ZNF469: variants seen among roughly 807,000 people sequenced by gnomAD.
The protein encoded by ZNF469 is zinc finger protein 469.
A neutral mutation model predicts 1.0 loss-of-function variants in ZNF469; 1 was observed. The ratio of observed to expected loss-of-function variants is 1.00; its 90% CI spans 0.35 to 4.73. The LOEUF is 4.73. Ranked by LOEUF, ZNF469 falls within the 30% of genes most tolerant of loss-of-function variation. The pLI is 0.16. For missense variants in ZNF469, 6,100 were observed against 5,356.3 expected (o/e 1.14, Z -4.33); for synonymous variants, 2,703 against 2,363.4 (o/e 1.14, Z -4.17).
At chr16:88,209,726 A>G in the ZNF469 span, among the ~76,000 whole-genome samples, 2 of 152,216 alleles carry the variant, frequency 1.3e-5, no homozygotes, top group African/African-American at 4.8e-5. Flanking sequence ...ATATGAGTTC[A>G]TAGAGGACTT....
At chr16:88,314,546 G>A in the ZNF469 span, among the ~76,000 whole-genome samples, 38 of 149,616 alleles carry the variant, frequency 2.5e-4, no homozygotes, top group Admixed American at 1.3e-3. Context: ...TTATGATGAT[G>A]CTGGTGTGGA....
chr16:88,299,284 G>A, the ZNF469 span, among the ~76,000 whole-genome samples: 15 of 150,008 alleles, frequency 1.0e-4, no homozygotes, highest in Non-Finnish European at 2.1e-4. Context: ...TGCAGCAGGC[G>A]AGGGCTTCCT....
chr16:88,271,103 G>T, the ZNF469 span, among the ~76,000 whole-genome samples: 1 of 152,030 alleles, frequency 6.6e-6, no homozygotes, highest in East Asian at 1.9e-4. Context: ...CTATAAGAGG[G>T]GGATGGTAAC....
chr16:88,414,058 C>T (rs1182695091), intron 1 of ZNF469, among the ~76,000 whole-genome samples: 1 of 152,202 alleles, frequency 6.6e-6, no homozygotes, highest in African/African-American at 2.4e-5. Context: ...CCTACACCCT[C>T]GGGTCTGGGA....
At chr16:88,305,674 A>C in the ZNF469 span, among the ~76,000 whole-genome samples, 2 of 152,138 alleles carry the variant, frequency 1.3e-5, no homozygotes, top group Non-Finnish European at 2.9e-5. Flanking sequence ...ACATACACAC[A>C]CATGCTCACA....
chr16:88,238,598 G>T, the ZNF469 span, among the ~76,000 whole-genome samples: 3 of 152,148 alleles, frequency 2.0e-5, no homozygotes, highest in South Asian at 2.1e-4. Flanking sequence ...TGGAGACTGG[G>T]GTTTGCCAAT....
the ZNF469 span, among the ~76,000 whole-genome samples, chr16:88,125,109 G>A: frequency 9.9e-5 from 15 of 152,046 alleles, no homozygotes; most frequent in African/African-American, 2.9e-4. Flanking sequence ...TTGCAGTTGT[G>A]CCAGCACCAT....
chr16:88,431,941 A>G lies in ZNF469; in HGVS notation c.4471A>G (p.Thr1491Ala). The change falls in exon 3 of 3, where the codon ACG (threonine) becomes GCG (alanine). Residue 1491 changes from threonine (T) to alanine (A), a missense_variant. Thr to Ala is a moderately conservative substitution (Grantham distance 58). Coordinates refer to ENST00000565624, the MANE Select transcript of ZNF469 (RefSeq NM_001367624.2). The part of the protein sequence containing the change: ...PFACADPPQK[T>A]VPSDPPYPSF... Reference sequence around the variant, plus strand: ...CGCATGTGCCGACCCTCCCCAGAAGACGGTGCCGTCAGATCCACCGTACCC... The same window carrying G: ...CGCATGTGCCGACCCTCCCCAGAAGGCGGTGCCGTCAGATCCACCGTACCC... 1 of 1,549,004 alleles carries G rather than the reference A, an allele frequency of 6.5e-7. No homozygotes were observed. The highest frequency in any genetic ancestry group is 1.2e-5 in the South Asian group (1 of 84,034).
intron 1 of ZNF469, among the ~76,000 whole-genome samples, chr16:88,402,954 C>T (rs1338011839): frequency 6.6e-6 from 1 of 152,220 alleles, no homozygotes; most frequent in Non-Finnish European, 1.5e-5. Context: ...AACACCCCAT[C>T]AAAAGGCCAG....
intron 1 of ZNF469, among the ~76,000 whole-genome samples, chr16:88,393,430 C>T (rs1440639274): frequency 3.3e-5 from 5 of 152,236 alleles, no homozygotes; most frequent in Admixed American, 2.0e-4. Flanking sequence ...GTGTTTATGC[C>T]GGACCGGTGC....
the ZNF469 span, among the ~76,000 whole-genome samples, chr16:88,222,840 C>G: frequency 7.9e-5 from 12 of 152,188 alleles, no homozygotes; most frequent in African/African-American, 2.9e-4. Context: ...CTCAAACGAT[C>G]CTTCCACCTT....
the ZNF469 span, among the ~76,000 whole-genome samples, chr16:88,206,155 C>T: frequency 3.3e-5 from 5 of 152,182 alleles, no homozygotes; most frequent in African/African-American, 1.2e-4. Flanking sequence ...CTGAGCTGTG[C>T]CCGGAGACGG....
chr16:88,116,355 G>A, the ZNF469 span, among the ~76,000 whole-genome samples: 1 of 152,106 alleles, frequency 6.6e-6, no homozygotes, highest in African/African-American at 2.4e-5. Context: ...CAGAACCAGC[G>A]ATGCCGCAAT....
chr16:88,337,365 G>C, the ZNF469 span, among the ~76,000 whole-genome samples: 1 of 152,178 alleles, frequency 6.6e-6, no homozygotes, highest in South Asian at 2.1e-4. Context: ...TGCCATGTAA[G>C]ATGTCCCTTG....
rs993537983 is a variant in ZNF469 at position 88,436,953 on chromosome 16, G to A, written c.9483G>A (p.Gly3161=). 19 of 1,495,168 alleles carry A rather than the reference G, an allele frequency of 1.3e-5. No individual in the cohort carries two copies. The highest frequency in any genetic ancestry group is 5.6e-5 in the African/African-American group (4 of 71,906). 92.6% of individuals were successfully genotyped at this position (1,495,168 alleles called of 1,614,324 possible). A position where few individuals can be genotyped will look rare whatever the true frequency, so the allele number is the denominator to read the frequency against. ...TTGGCTCGCGGGAGCTGCTGCGGGGGCACCTGCAGGAGAGGCACGCGCAGA... is the reference window on the plus strand; with the variant it reads ...TTGGCTCGCGGGAGCTGCTGCGGGGACACCTGCAGGAGAGGCACGCGCAGA... ...RRFGSRELLR[G]HLQERHAQSK... Residue 3161 remains glycine (G), a synonymous_variant, in exon 3 of 3, where the codon GGG becomes GGA. Transcript: ENST00000565624.
At chr16:88,317,841 T>C in the ZNF469 span, among the ~76,000 whole-genome samples, 2 of 152,234 alleles carry the variant, frequency 1.3e-5, no homozygotes, top group Admixed American at 1.3e-4. Flanking sequence ...TTCACCATAC[T>C]TCCTCCTGCT....
intron 1 of ZNF469, among the ~76,000 whole-genome samples, chr16:88,405,045 C>G (rs1229400951): frequency 6.6e-6 from 1 of 152,154 alleles, no homozygotes; most frequent in Non-Finnish European, 1.5e-5. Context: ...GGGGTCAGCC[C>G]TCCCGGAACC....
chr16:88,416,486 G>A (rs1384317020), intron 1 of ZNF469, among the ~76,000 whole-genome samples: 1 of 152,148 alleles, frequency 6.6e-6, no homozygotes. Context: ...TGATCTTAGT[G>A]GTGTGTGACT....
the ZNF469 span, among the ~76,000 whole-genome samples, chr16:88,362,291 G>A: frequency 6.6e-6 from 1 of 152,200 alleles, no homozygotes; most frequent in African/African-American, 2.4e-5. Flanking sequence ...AATGTGGAAA[G>A]AGCTTTGCTC....
Sources: allele counts gnomAD v4.1 joint callset (sites outside exome capture counted in the v4.1 genomes callset), GRCh38; gene constraint gnomAD v4.1.1; transcripts MANE v1.5; gene names NCBI Gene and HGNC (gene_info 2026-07-23, HGNC 2026-07-21).